Variants in P3H2 observed in about 807,000 individuals in gnomAD.
P3H2 encodes the protein leprecan-like 1.
Under a neutral mutation model 87.0 loss-of-function variants are expected in P3H2, and 80 were observed. That is an observed-to-expected ratio of 0.92 (90% CI 0.77 to 1.11). The LOEUF (loss-of-function observed/expected upper bound fraction) is 1.11, where lower values mean the gene tolerates loss of function less well. Among genes scored for constraint, P3H2 ranks in the 50% least tolerant of loss-of-function variants. The probability of loss-of-function intolerance (pLI) is 0.00; values close to 1 mark genes in which losing one functional copy is unlikely to be tolerated. For synonymous variants in P3H2, 367 were observed against 359.3 expected, an observed-to-expected ratio of 1.02 and a Z score of -0.24; for missense variants, 1,001 against 923.9, an observed-to-expected ratio of 1.08 and a Z score of -1.08.
Position 190,012,282 on chromosome 3 carries a change from C to G in P3H2, c.481-16840G>C, listed in dbSNP as rs193259783. ...ACATATTTAAATGTACAAAGGAAAA[C>G]AGCTGTAGGAAATTTTCTTGTGAAT... On this transcript the variant is annotated intron_variant, in intron 1 of 14. Transcript: ENST00000319332. Among the ~76,000 whole-genome samples, 415 of 150,604 alleles carry G rather than the reference C, an allele frequency of 2.8e-3. 2 individuals carry two copies. Among genetic ancestry groups the G allele is most frequent in the South Asian group, 0.014 (66 of 4,764 alleles).
chr3:190,030,925 C>T (rs937690630), intron 1 of P3H2, among the ~76,000 whole-genome samples: 4 of 152,056 alleles, frequency 2.6e-5, no homozygotes, highest in African/African-American at 9.7e-5. Flanking sequence ...TGATCTTAGC[C>T]TCATATCCTG....
intron 1 of P3H2, among the ~76,000 whole-genome samples, chr3:190,095,356 T>A (rs1727542003): frequency 8.5e-6 from 1 of 118,262 alleles, no homozygotes; most frequent in Admixed American, 9.1e-5. Flanking sequence ...ATATGGATTA[T>A]CACCTCAAAA....
At chr3:189,995,569 T>TTTA in intron 1 of P3H2, 127 bp from the exon 2 acceptor site, 2 of 1,013,126 alleles carry the variant, frequency 2.0e-6, no homozygotes, top group Non-Finnish European at 2.9e-6. Flanking sequence ...TTTTTTTTTT[T>TTTA]TATCAGACAG....
At chr3:190,035,010 G>C (rs370323726) in intron 1 of P3H2, among the ~76,000 whole-genome samples, 24 of 151,364 alleles carry the variant, frequency 1.6e-4, no homozygotes, top group East Asian at 1.4e-3. Context: ...CACCACACCC[G>C]ACTAATTTTT....
At chr3:189,963,208 G>A (rs1313916477) in intron 14 of P3H2, among the ~76,000 whole-genome samples, 1 of 152,110 alleles carries the variant, frequency 6.6e-6, no homozygotes, top group African/African-American at 2.4e-5. Context: ...CTTCCAAAAC[G>A]ATGAGATCAT....
intron 1 of P3H2, among the ~76,000 whole-genome samples, chr3:190,102,472 T>C (rs1047435942): frequency 2.0e-5 from 3 of 152,158 alleles, no homozygotes; most frequent in Non-Finnish European, 4.4e-5. Flanking sequence ...AAGATTTCAG[T>C]GGAGAAAGTA....
intron 1 of P3H2, among the ~76,000 whole-genome samples, chr3:190,038,992 C>T (rs966810222): frequency 3.4e-4 from 51 of 152,218 alleles, no homozygotes; most frequent in African/African-American, 1.2e-3. Context: ...GAGTTCAAGA[C>T]CAGCCTGACC....
rs1553875103 is a variant in P3H2 at position 190,007,965 on chromosome 3, CAT to C, written c.481-12525_481-12524del. On this transcript the variant is annotated intron_variant, in intron 1 of 14. Transcript: ENST00000319332. Reference sequence around the variant, plus strand: ...GCCTGAGACTCTATTTGTTGACACACATATATATATATATATATATAGTAAAC... The same window carrying C: ...GCCTGAGACTCTATTTGTTGACACACATATATATATATATATATAGTAAAC... 2.3e-4 allele frequency among the ~76,000 whole-genome samples: 22 copies of C among 94,354 alleles called. 1 individual carries two copies. The highest frequency in any genetic ancestry group is 7.0e-4 in the African/African-American group (18 of 25,630). The allele number at this position is 94,354 out of a possible 152,430, so 61.9% of individuals were successfully genotyped here.
intron 1 of P3H2, among the ~76,000 whole-genome samples, chr3:190,061,728 T>C (rs1726337828): frequency 6.6e-6 from 1 of 152,122 alleles, no homozygotes; most frequent in African/African-American, 2.4e-5. Flanking sequence ...CCATGTACTG[T>C]CCTAAGAAGT....
intron 1 of P3H2, among the ~76,000 whole-genome samples, chr3:189,995,777 A>G (rs1724036570): frequency 6.6e-6 from 1 of 152,110 alleles, no homozygotes; most frequent in Admixed American, 6.5e-5. Context: ...CAAGAAAAGA[A>G]AGATTAAAAA....
chr3:189,977,590 TA>T lies in P3H2; in HGVS notation c.1325-2906del, dbSNP rs1322567519. 4.6e-5 allele frequency among the ~76,000 whole-genome samples: 7 copies of T among 152,018 alleles called. 1 individual carries two copies. The highest frequency in any genetic ancestry group is 1.0e-4 in the Non-Finnish European group (7 of 67,984). On this transcript the variant is annotated intron_variant, in intron 8 of 14. Coordinates refer to ENST00000319332, the MANE Select transcript of P3H2 (RefSeq NM_018192.4). ...TATTTTCATTATGTTTTCACAGCAATAAAAAAAGTAGTCTTTAAAAAATTTA... is the reference window on the plus strand; with the variant it reads ...TATTTTCATTATGTTTTCACAGCAATAAAAAAGTAGTCTTTAAAAAATTTA...
At position 190,066,143 on chromosome 3, in the gene P3H2, G is replaced by GTATA. The variant is rs60898721; in HGVS notation, c.480+54105_480+54108dup. Among the ~76,000 whole-genome samples, 796 of 138,792 alleles carry GTATA rather than the reference G, an allele frequency of 5.7e-3. 8 individuals carry two copies. Among genetic ancestry groups the GTATA allele is most frequent in the East Asian group, 0.037 (184 of 4,948 alleles). 91.1% of individuals were successfully genotyped at this position (138,792 alleles called of 152,430 possible). On this transcript the variant is annotated intron_variant, in intron 1 of 14. Coordinates refer to ENST00000319332, the MANE Select transcript of P3H2 (RefSeq NM_018192.4). ...CGAGTGGATAAAGAAACTGTGGTGT[G>GTATA]TATATATATATATATACACACACAC...
chr3:189,976,863 A>G (rs1404332548), intron 8 of P3H2, among the ~76,000 whole-genome samples: 2 of 152,164 alleles, frequency 1.3e-5, no homozygotes, highest in Non-Finnish European at 2.9e-5. Flanking sequence ...TCAGTATCAC[A>G]TCTTTTAGTT....
At chr3:189,974,125 A>G (rs1723273338) in intron 9 of P3H2, 121 bp from the exon 10 acceptor site, 2 of 798,466 alleles carry the variant, frequency 2.5e-6, no homozygotes, top group Admixed American at 1.8e-5. Context: ...TCCCCATTTT[A>G]TTCCAGGATG....
intron 14 of P3H2, chr3:189,963,732 C>T (rs996764284): frequency 7.3e-6 from 4 of 547,578 alleles, no homozygotes; most frequent in African/African-American, 3.8e-5. Flanking sequence ...GAGTGAGCCA[C>T]CACGCCCAGC....
upstream of P3H2, among the ~76,000 whole-genome samples, chr3:190,121,315 C>T (rs1231272984): frequency 6.7e-6 from 1 of 150,194 alleles, no homozygotes; most frequent in Admixed American, 6.6e-5. Flanking sequence ...GCGCATTCTG[C>T]ACGTGTATCC....
chr3:190,121,848 T>C (rs1712614177), upstream of P3H2, among the ~76,000 whole-genome samples: 1 of 152,132 alleles, frequency 6.6e-6, no homozygotes, highest in Non-Finnish European at 1.5e-5. Context: ...TCCCAGCACT[T>C]TGGGAGGCCA....
chr3:190,031,745 C>CA (rs3062146), intron 1 of P3H2, among the ~76,000 whole-genome samples: 26,535 of 150,742 alleles, frequency 0.18, 3,237 homozygotes, highest in African/African-American at 0.34. Flanking sequence ...GATAAATTTG[C>CA]AAAAAAAATG....
At chr3:189,988,825 A>G in intron 4 of P3H2, 82 bp downstream of exon 4, 2 of 1,541,162 alleles carry the variant, frequency 1.3e-6, no homozygotes, top group Non-Finnish European at 1.8e-6. Context: ...AAGAAGTCAG[A>G]AAACTCAATT....
Sources: gnomAD v4.1 joint callset for allele counts (sites outside exome capture counted in the v4.1 genomes callset) on GRCh38, gnomAD v4.1.1 for gene constraint, MANE v1.5 for transcripts, NCBI Gene and HGNC (gene_info 2026-07-23, HGNC 2026-07-21) for gene names.